MTUS1: variants seen among roughly 807,000 people sequenced by gnomAD.
MTUS1 encodes the protein microtubule associated scaffold protein 1, also known as microtubule-associated tumor suppressor 1.
Under a neutral mutation model 120.8 loss-of-function variants are expected in MTUS1, and 109 were observed. The ratio of observed to expected loss-of-function variants is 0.90; its 90% CI spans 0.77 to 1.06. MTUS1 has a LOEUF of 1.06. MTUS1 is among the 50% of genes least tolerant of loss of function. The pLI, the probability that MTUS1 is intolerant of heterozygous loss-of-function variation, is 0.00. For synonymous variants in MTUS1, 737 were observed against 550.5 expected (o/e 1.34, Z -4.74); for missense variants, 2,210 against 1,486.3 (o/e 1.49, Z -8.01).
At chr8:17,756,252 G>C (rs73206294) in intron 1 of MTUS1, among the ~76,000 whole-genome samples, 8,745 of 152,278 alleles carry the variant, frequency 0.057, 334 homozygotes, top group Non-Finnish European at 0.087. Flanking sequence ...CCAGGGACTT[G>C]TCAAAGAGAG....
intron 6 of MTUS1, among the ~76,000 whole-genome samples, chr8:17,701,889 G>T (rs1007537875): frequency 6.6e-6 from 1 of 151,958 alleles, no homozygotes; most frequent in Non-Finnish European, 1.5e-5. Flanking sequence ...ACATCAGACT[G>T]CTCTCCAATT....
intron 3 of MTUS1, among the ~76,000 whole-genome samples, chr8:17,740,207 CA>C (rs752658739): frequency 9.6e-4 from 121 of 126,346 alleles, no homozygotes; most frequent in African/African-American, 9.2e-4. Flanking sequence ...GACTCCGTCT[CA>C]AAAAAAAAAA....
chr8:17,650,439 C>T (rs1490759396), intron 12 of MTUS1, among the ~76,000 whole-genome samples: 2 of 152,186 alleles, frequency 1.3e-5, no homozygotes, highest in African/African-American at 4.8e-5. Context: ...TATGATGGGG[C>T]TACGTTGACT....
chr8:17,666,776 T>C (rs1049050188), intron 8 of MTUS1, among the ~76,000 whole-genome samples: 1 of 152,184 alleles, frequency 6.6e-6, no homozygotes, highest in African/African-American at 2.4e-5. Context: ...TTTTTAGAAG[T>C]GCTGCCTCTC....
At chr8:17,722,691 G>T in intron 4 of MTUS1, 1 of 341,002 alleles carries the variant, frequency 2.9e-6, no homozygotes, top group Non-Finnish European at 4.1e-6. Flanking sequence ...TAGCTGCTGT[G>T]TGATTTTAGA....
chr8:17,743,903 T>C, intron 2 of MTUS1, 104 bp from the exon 3 acceptor site: 1 of 987,738 alleles, frequency 1.0e-6, no homozygotes, highest in Non-Finnish European at 1.5e-6. Flanking sequence ...CAAAGAAACC[T>C]AAAAAACAAG....
intron 4 of MTUS1, chr8:17,722,608 G>A (rs576454162): frequency 9.2e-6 from 9 of 980,924 alleles, no homozygotes; most frequent in Middle Eastern, 5.3e-4. Flanking sequence ...GTGACCCGTC[G>A]GAAATGTGCT....
intron 8 of MTUS1, among the ~76,000 whole-genome samples, chr8:17,672,156 T>C (rs1812157347): frequency 6.6e-6 from 1 of 152,196 alleles, no homozygotes; most frequent in Admixed American, 6.5e-5. Context: ...GAATATTTAG[T>C]CTAATGATTA....
At chr8:17,771,689 T>C (rs2050035567) in intron 1 of MTUS1, among the ~76,000 whole-genome samples, 1 of 152,222 alleles carries the variant, frequency 6.6e-6, no homozygotes. Flanking sequence ...AACCCTATGA[T>C]AGATTCTCTT....
chr8:17,672,321 C>G (rs1007007861), intron 8 of MTUS1, among the ~76,000 whole-genome samples: 10 of 150,720 alleles, frequency 6.6e-5, no homozygotes, highest in Non-Finnish European at 1.2e-4. Context: ...ATGTAATCCT[C>G]ACACCCACCC....
chr8:17,679,139 A>T (rs1390029752), intron 7 of MTUS1, among the ~76,000 whole-genome samples: 1 of 151,514 alleles, frequency 6.6e-6, no homozygotes, highest in Admixed American at 6.6e-5. Context: ...AACCATTTTC[A>T]CCCATAATCG....
At chr8:17,677,806 T>C (rs905871854) in intron 7 of MTUS1, among the ~76,000 whole-genome samples, 1 of 152,206 alleles carries the variant, frequency 6.6e-6, no homozygotes, top group African/African-American at 2.4e-5. Flanking sequence ...TCTTCCCTTG[T>C]AATGTGACAC....
At chr8:17,691,604 A>C (rs1329093889) in intron 6 of MTUS1, among the ~76,000 whole-genome samples, 1 of 152,214 alleles carries the variant, frequency 6.6e-6, no homozygotes, top group Non-Finnish European at 1.5e-5. Flanking sequence ...GCAGTGAAAG[A>C]CTACATCTCT....
chr8:17,697,185 T>C (rs1265866958), intron 6 of MTUS1: 1 of 1,496,036 alleles, frequency 6.7e-7, no homozygotes, highest in African/African-American at 1.4e-5. Context: ...TGGAAAAACC[T>C]CTGATAAACA....
At chr8:17,681,836 G>T (rs1356398338) in intron 7 of MTUS1, among the ~76,000 whole-genome samples, 8 of 143,770 alleles carry the variant, frequency 5.6e-5, no homozygotes, top group Non-Finnish European at 1.2e-4. Context: ...TTTCCTAGTA[G>T]CCACGCTGAG....
At chr8:17,756,594 T>C (rs2048626168) in intron 1 of MTUS1, among the ~76,000 whole-genome samples, 1 of 151,362 alleles carries the variant, frequency 6.6e-6, no homozygotes. Context: ...CTGTTGGAAG[T>C]CCCTTGAAAT....
intron 3 of MTUS1, among the ~76,000 whole-genome samples, chr8:17,732,362 G>T (rs1391222378): frequency 6.6e-6 from 1 of 152,142 alleles, no homozygotes; most frequent in East Asian, 1.9e-4. Flanking sequence ...AACAGTATTG[G>T]ATGCAATTGG....
At chr8:17,672,570 T>C (rs2130613986) in intron 8 of MTUS1, among the ~76,000 whole-genome samples, 1 of 152,308 alleles carries the variant, frequency 6.6e-6, no homozygotes, top group African/African-American at 2.4e-5. Flanking sequence ...CTTGAGAGTG[T>C]TCTTCCTGGA....
Position 17,653,210 on chromosome 8 carries a change from T to TAC in MTUS1, c.3359_3360insGT (p.Arg1121Ter). The TAC allele has an allele frequency of 3.9e-6, 6 of 1,549,752 alleles. No homozygotes were observed. Among genetic ancestry groups the TAC allele is most frequent in the Non-Finnish European group, 5.2e-6 (6 of 1,151,978 alleles). ...CCAAATTTGCTTTTTCTCTTGCTCT[T>TAC]CTTTTTTGTTCTTCTGATTTCAATT... is the stretch of plus-strand genomic sequence containing the variant. On this transcript the variant is annotated frameshift_variant, in exon 12 of 15. Transcript: ENST00000693296. LOFTEE classifies it high-confidence loss of function.
Sources: gnomAD v4.1 joint callset for allele counts (sites outside exome capture counted in the v4.1 genomes callset) on GRCh38, gnomAD v4.1.1 for gene constraint, MANE v1.5 for transcripts, NCBI Gene and HGNC (gene_info 2026-07-23, HGNC 2026-07-21) for gene names.